The following ROS1 variants were observed in gnomAD, a reference collection of about 807,000 sequenced individuals.
The protein encoded by ROS1 is proto-oncogene tyrosine-protein kinase ROS.
In ROS1, 263 loss-of-function variants were observed where a neutral mutation model predicts 273.5. The observed-to-expected ratio is 0.96, with a 90% CI of 0.87 to 1.06. The LOEUF (loss-of-function observed/expected upper bound fraction) is 1.06. ROS1 is among the 50% of genes least tolerant of loss of function. The probability of loss-of-function intolerance (pLI) is 0.00; values close to 1 mark genes in which losing one functional copy is unlikely to be tolerated. For missense variants in ROS1, 2,833 were observed against 2,751.1 expected (o/e 1.03, Z -0.67); for synonymous variants, 1,008 against 954.1 (o/e 1.06, Z -1.04).
chr6:117,341,284 A>G lies in ROS1; in HGVS notation c.4912T>C (p.Trp1638Arg). Residue 1638 changes from tryptophan (W) to arginine (R), a missense_variant, in exon 31 of 44, where the codon TGG becomes CGG. By Grantham distance (101) the Trp-to-Arg change is moderately radical. Transcript: ENST00000368507. ...GTGACAGGATGACTCTCTGTACACC[A>G]CATTTCCTCAGAGTGGCAGGCAAGA... ...KVLACHSEEM[W>R]CTESHPVTVE... 1.2e-6 allele frequency: 2 copies of G among 1,613,420 alleles called. No individual in the cohort carries two copies. Among genetic ancestry groups the G allele is most frequent in the Non-Finnish European group, 1.7e-6 (2 of 1,179,644 alleles).
At chr6:117,301,437 G>A (rs1037960557) in intron 42 of ROS1, 2 of 222,494 alleles carry the variant, frequency 9.0e-6, no homozygotes, top group East Asian at 2.6e-4. Flanking sequence ...AACTACTCAA[G>A]GTGAAGGTCT....
At chr6:117,379,002 C>T (rs78150868) in intron 18 of ROS1, 57 bp downstream of exon 18, 3 of 1,019,616 alleles carry the variant, frequency 2.9e-6, no homozygotes, top group Non-Finnish European at 4.5e-6. Flanking sequence ...CATGCATTAT[C>T]ATTTATGACT....
chr6:117,294,560 T>C (rs1774075209), intron 43 of ROS1, among the ~76,000 whole-genome samples: 1 of 152,184 alleles, frequency 6.6e-6, no homozygotes. Flanking sequence ...TCAGGGATAT[T>C]AGCGTGCTCT....
chr6:117,392,274 G>T (rs1177918530), intron 12 of ROS1, among the ~76,000 whole-genome samples: 1 of 152,000 alleles, frequency 6.6e-6, no homozygotes, highest in Non-Finnish European at 1.5e-5. Context: ...GGAATAGAAA[G>T]CTTGATTTTA....
chr6:117,347,948 A>G (rs1778510060), intron 27 of ROS1, among the ~76,000 whole-genome samples: 1 of 152,082 alleles, frequency 6.6e-6, no homozygotes, highest in Non-Finnish European at 1.5e-5. Flanking sequence ...CTATTTTAAT[A>G]TATTGCTCGA....
chr6:117,317,399 C>T, intron 38 of ROS1, 127 bp from the exon 39 acceptor site: 1 of 1,094,018 alleles, frequency 9.1e-7, no homozygotes, highest in East Asian at 2.5e-5. Flanking sequence ...GTGTCTCTAA[C>T]ACTTCGTTTT....
intron 39 of ROS1, among the ~76,000 whole-genome samples, chr6:117,316,373 AT>A (rs1172080341): frequency 6.6e-6 from 1 of 152,054 alleles, no homozygotes; most frequent in African/African-American, 2.4e-5. Flanking sequence ...ACACATTTTA[AT>A]TTTTTAGCCA....
At chr6:117,411,165 T>A (rs1175469377) in intron 4 of ROS1, among the ~76,000 whole-genome samples, 1 of 151,876 alleles carries the variant, frequency 6.6e-6, no homozygotes, top group Non-Finnish European at 1.5e-5. Context: ...CTTCTGGGAG[T>A]TTAAAAGTTA....
chr6:117,319,691 T>A (rs1196724316), intron 37 of ROS1, among the ~76,000 whole-genome samples, 177 bp downstream of exon 37: 1 of 152,168 alleles, frequency 6.6e-6, no homozygotes. Context: ...ACAAACAATG[T>A]TCCTATGTAG....
At chr6:117,322,756 G>A (rs537651631) in intron 35 of ROS1, among the ~76,000 whole-genome samples, 2 of 152,072 alleles carry the variant, frequency 1.3e-5, no homozygotes, top group African/African-American at 4.8e-5. Context: ...GCACACACAC[G>A]CTCTTACTAG....
At chr6:117,301,257 A>ATAAGG in intron 42 of ROS1, 120 bp from the exon 43 acceptor site, 1 of 806,852 alleles carries the variant, frequency 1.2e-6, no homozygotes, top group South Asian at 2.1e-5. Flanking sequence ...CTTAATTAAT[A>ATAAGG]TAAGTGAATC....
intron 15 of ROS1, 62 bp from the exon 16 acceptor site, chr6:117,385,923 T>C (rs1772542838): frequency 7.5e-7 from 1 of 1,325,698 alleles, no homozygotes; most frequent in Non-Finnish European, 1.1e-6. Flanking sequence ...ACATAATGAG[T>C]CAACAAATCA....
At chr6:117,402,435 C>T (rs533678646) in intron 7 of ROS1, among the ~76,000 whole-genome samples, 1 of 152,326 alleles carries the variant, frequency 6.6e-6, no homozygotes, top group South Asian at 2.1e-4. Context: ...TTTCATACTG[C>T]CACTGGCCTC....
chr6:117,339,135 T>C (rs1193978527), intron 31 of ROS1, among the ~76,000 whole-genome samples: 1 of 152,178 alleles, frequency 6.6e-6, no homozygotes, highest in Non-Finnish European at 1.5e-5. Context: ...GTGGGCCACA[T>C]GTGGCCCAGG....
chr6:117,314,906 G>A (rs1244600830), intron 39 of ROS1, among the ~76,000 whole-genome samples: 2 of 152,106 alleles, frequency 1.3e-5, no homozygotes, highest in African/African-American at 2.4e-5. Context: ...TAGGCCTCAC[G>A]ATTAAATATG....
intron 43 of ROS1, 78 bp from the exon 44 acceptor site, chr6:117,288,880 T>C (rs1773625731): frequency 1.7e-6 from 2 of 1,145,596 alleles, no homozygotes; most frequent in Non-Finnish European, 2.4e-6. Flanking sequence ...ATATCAGAAT[T>C]ATAGCAACAC....
chr6:117,297,302 A>T (rs542858), intron 43 of ROS1, among the ~76,000 whole-genome samples: 2 of 152,030 alleles, frequency 1.3e-5, no homozygotes, highest in Non-Finnish European at 2.9e-5. Flanking sequence ...CTGGATATTG[A>T]TCTAGGCAAA....
At chr6:117,351,779 T>A (rs573439149) in intron 27 of ROS1, among the ~76,000 whole-genome samples, 7 of 152,176 alleles carry the variant, frequency 4.6e-5, no homozygotes, top group African/African-American at 1.7e-4. Flanking sequence ...TACTTGTTTT[T>A]GGGTGGAGTG....
At chr6:117,387,039 A>G (rs754944081) in intron 14 of ROS1, 40 bp from the exon 15 acceptor site, 2 of 1,153,152 alleles carry the variant, frequency 1.7e-6, no homozygotes, top group East Asian at 4.7e-5. Context: ...CATCAGGGAA[A>G]GCAAACTCTT....
Sources: gnomAD v4.1 joint callset for allele counts (sites outside exome capture counted in the v4.1 genomes callset) on GRCh38, gnomAD v4.1.1 for gene constraint, MANE v1.5 for transcripts, NCBI Gene and HGNC (gene_info 2026-07-23, HGNC 2026-07-21) for gene names.